Variants in TFAP2A observed in about 807,000 individuals in gnomAD.
The protein encoded by TFAP2A is transcription factor AP-2-alpha.
In TFAP2A, 7 loss-of-function variants were observed where a neutral mutation model predicts 41.5. That is an observed-to-expected ratio of 0.17 (90% confidence interval 0.10 to 0.32). The LOEUF (loss-of-function observed/expected upper bound fraction) is 0.32, where lower values mean the gene tolerates loss of function less well. Among genes scored for constraint, TFAP2A ranks in the 10% least tolerant of loss-of-function variants. The probability of loss-of-function intolerance (pLI) is 1.00; values close to 1 mark genes in which losing one functional copy is unlikely to be tolerated. For synonymous variants in TFAP2A, 247 were observed against 242.8 expected, an observed-to-expected ratio of 1.02 and a Z score of -0.16; for missense variants, 416 against 563.3, an observed-to-expected ratio of 0.74 and a Z score of 2.65.
intron 3 of TFAP2A, chr6:10,406,575 A>T (rs369608857): frequency 1.7e-6 from 1 of 585,546 alleles, no homozygotes; most frequent in African/African-American, 1.9e-5. Context: ...AAACTAAATT[A>T]AATGGTCAAA....
Position 10,398,804 on chromosome 6 carries a change from G to T in TFAP2A, c.1032-99C>A. On this transcript the variant is annotated intron_variant, in intron 6 of 6. Coordinates refer to ENST00000379613, the MANE Select transcript of TFAP2A (RefSeq NM_001372066.1). This position sits in a 1 kb window ranked among gnomAD's most constrained non-coding sequence, Gnocchi z 5.3. ...TCCCTCCCTGCAGCTACCTCTGCCG[G>T]GATCCAGCCGGTACCTGACATGACC... 7.1e-7 allele frequency: 1 copy of T among 1,414,162 alleles called. No homozygotes were observed. Among genetic ancestry groups the T allele is most frequent in the Admixed American group, 2.0e-5 (1 of 51,124 alleles). The allele number at this position is 1,414,162 out of a possible 1,614,324, so 87.6% of individuals were successfully genotyped here.
chr6:10,402,568 C>G lies in TFAP2A; in HGVS notation c.813G>C (p.Leu271=). The G allele has an allele frequency of 6.2e-7, 1 of 1,614,116 alleles. No individual in the cohort carries two copies. Among genetic ancestry groups the G allele is most frequent in the East Asian group, 2.2e-5 (1 of 44,884 alleles). The change falls in exon 5 of 7, where the codon CTG becomes CTC. Residue 271 remains leucine (L), a synonymous_variant. Coordinates refer to ENST00000379613, the MANE Select transcript of TFAP2A (RefSeq NM_001372066.1). ...CAGGCAGATTTAATCCTATTTTGTC[C>G]AGTTTTTCTCTTAAAGATCTTCCTC... ...KNGGRSLREK[L]DKIGLNLPAG... is the part of the protein sequence containing the mutation.
chr6:10,401,463 A>G (rs886211699), intron 5 of TFAP2A, among the ~76,000 whole-genome samples: 3 of 152,234 alleles, frequency 2.0e-5, no homozygotes, highest in African/African-American at 4.8e-5. Flanking sequence ...TTATATTACT[A>G]TCAATCTCTG....
intron 1 of TFAP2A, among the ~76,000 whole-genome samples, chr6:10,410,612 C>T (rs1757920899): frequency 6.6e-6 from 1 of 152,128 alleles, no homozygotes; most frequent in Non-Finnish European, 1.5e-5. Flanking sequence ...TGGAACACAG[C>T]CCATTAAACT....
intron 2 of TFAP2A, chr6:10,407,944 G>T (rs990051257): frequency 8.1e-4 from 123 of 152,194 alleles, no homozygotes; most frequent in African/African-American, 2.8e-3. Flanking sequence ...GACTACTGCT[G>T]CAGTTCTTGT....
At chr6:10,414,617 G>T in intron 1 of TFAP2A, 1 of 527,010 alleles carries the variant, frequency 1.9e-6, no homozygotes, top group Non-Finnish European at 3.4e-6. Flanking sequence ...GGAGTGCACA[G>T]GCAAGTGCCC....
Position 10,398,295 on chromosome 6 carries a change from C to CGGCAGCAGCAGCAGCAGT in TFAP2A, c.*104_*121dup. ...CCAAGGGCAGCGGCGGCGGCGGCGGCGGCAGCAGCAGCAGCAGTAGCAGCA... is the reference window on the plus strand; with the variant it reads ...CCAAGGGCAGCGGCGGCGGCGGCGGCGGCAGCAGCAGCAGCAGTGGCAGCAGCAGCAGCAGTAGCAGCA... On this transcript the variant is annotated 3_prime_UTR_variant, in exon 7 of 7. Coordinates refer to ENST00000379613, the MANE Select transcript of TFAP2A (RefSeq NM_001372066.1). The surrounding 1 kb of genome is among the most constrained non-coding windows in gnomAD (Gnocchi z 5.3). The CGGCAGCAGCAGCAGCAGT allele has an allele frequency of 6.3e-7, 1 of 1,585,590 alleles. No individual in the cohort carries two copies. The highest frequency in any genetic ancestry group is 1.1e-5 in the South Asian group (1 of 88,632).
Position 10,396,896 on chromosome 6 carries a change from G to C in TFAP2A, c.*1521C>G, listed in dbSNP as rs896920283. On this transcript the variant is annotated 3_prime_UTR_variant, in exon 7 of 7. Coordinates refer to ENST00000379613, the MANE Select transcript of TFAP2A (RefSeq NM_001372066.1). The stretch of plus-strand genomic sequence containing the variant: ...GAAAGTAAGTTTTTATTATACTTGA[G>C]GGAAACAATGGGTTCAGCTGCTTAT... 6.6e-6 allele frequency: 1 copy of C among 152,534 alleles called. No individual in the cohort carries two copies. The highest frequency in any genetic ancestry group is 1.5e-5 in the Non-Finnish European group (1 of 68,032). The allele number at this position is 152,534 out of a possible 1,614,324, so 9.4% of individuals were successfully genotyped here.
At position 10,396,677 on chromosome 6, in the gene TFAP2A, T is replaced by C. The variant is rs1234343067; in HGVS notation, c.*1740A>G. On this transcript the variant is annotated 3_prime_UTR_variant, in exon 7 of 7. Transcript: ENST00000379613. Reference sequence around the variant, plus strand: ...AAAACACAAATGAAAACCTAAAGGATCAACATAAATAAAATAAAACTTTAT... The same window carrying C: ...AAAACACAAATGAAAACCTAAAGGACCAACATAAATAAAATAAAACTTTAT... 1 of 152,120 alleles carries C rather than the reference T, an allele frequency of 6.6e-6. No individual in the cohort carries two copies. The highest frequency in any genetic ancestry group is 1.5e-5 in the Non-Finnish European group (1 of 68,020). 9.4% of individuals were successfully genotyped at this position (152,120 alleles called of 1,614,324 possible). A position where few individuals can be genotyped will look rare whatever the true frequency, so the allele number is the denominator to read the frequency against.
In TFAP2A at chr6:10,398,564, G is replaced by C. The variant is rs2113997918; in HGVS notation, c.1173C>G (p.Pro391=). ...GGGCCGTGACCGCGGCACACACCGCGGGGCTGCCGAAGCCGTGGGAGATGA... is the reference window on the plus strand; with the variant it reads ...GGGCCGTGACCGCGGCACACACCGCCGGGCTGCCGAAGCCGTGGGAGATGA... ...FNLISHGFGS[P]AVCAAVTALQ... The change falls in exon 7 of 7, where the codon CCC becomes CCG. Residue 391 remains proline (P), a synonymous_variant. Transcript: ENST00000379613. The surrounding 1 kb of genome is among the most constrained non-coding windows in gnomAD (Gnocchi z 5.3). 6.2e-7 allele frequency: 1 copy of C among 1,614,240 alleles called. No homozygotes were observed.
At chr6:10,411,437 G>A (rs1222628739) in intron 1 of TFAP2A, 6 of 1,461,912 alleles carry the variant, frequency 4.1e-6, no homozygotes, top group South Asian at 3.5e-5. Flanking sequence ...AGGTGGGGTG[G>A]GGGATGCAAA....
chr6:10,404,777 T>C (rs370522296), intron 3 of TFAP2A, 38 bp from the exon 4 acceptor site: 10 of 1,586,856 alleles, frequency 6.3e-6, no homozygotes, highest in Non-Finnish European at 8.6e-7. Context: ...TTGGGCGTCG[T>C]GGATCACCCC....
chr6:10,404,422 G>A (rs1757587244), intron 4 of TFAP2A, 86 bp downstream of exon 4: 3 of 1,032,736 alleles, frequency 2.9e-6, no homozygotes, highest in African/African-American at 3.4e-5. Context: ...CGCGAGGCCT[G>A]TTTGCGTCGC....
chr6:10,412,170 G>A (rs910815963), intron 1 of TFAP2A: 3 of 988,438 alleles, frequency 3.0e-6, no homozygotes, highest in African/African-American at 1.7e-5. Context: ...GCAAATCGGA[G>A]TGGGGAGAGG....
intron 2 of TFAP2A, chr6:10,407,151 C>CA: frequency 2.4e-6 from 1 of 412,120 alleles, no homozygotes. Context: ...TAATCATTCT[C>CA]AGTCAGTTCA....
At chr6:10,414,455 G>A (rs1483554373) in intron 1 of TFAP2A, 2 of 269,270 alleles carry the variant, frequency 7.4e-6, no homozygotes, top group African/African-American at 2.3e-5. Flanking sequence ...GTGGGGGTGG[G>A]GGGAAGAAAG....
chr6:10,397,709 A>T lies in TFAP2A; in HGVS notation c.*708T>A. On this transcript the variant is annotated 3_prime_UTR_variant, in exon 7 of 7. Coordinates refer to ENST00000379613, the MANE Select transcript of TFAP2A (RefSeq NM_001372066.1). ...ACTCACCATATTTACAATTCCCATT[A>T]AATTACACATAAATAAATATATACA... 1 of 300,764 alleles carries T rather than the reference A, an allele frequency of 3.3e-6. No homozygotes were observed. Among genetic ancestry groups the T allele is most frequent in the Non-Finnish European group, 4.9e-6 (1 of 203,950 alleles). The allele number at this position is 300,764 out of a possible 1,614,324, so 18.6% of individuals were successfully genotyped here.
chr6:10,404,375 C>T, intron 4 of TFAP2A, 133 bp downstream of exon 4: 1 of 578,682 alleles, frequency 1.7e-6, no homozygotes, highest in Non-Finnish European at 2.6e-6. Context: ...GCTCTTCTCC[C>T]CGCCCCCTTT....
chr6:10,399,723 G>C (rs1305814875), intron 6 of TFAP2A, among the ~76,000 whole-genome samples: 1 of 152,200 alleles, frequency 6.6e-6, no homozygotes, highest in Non-Finnish European at 1.5e-5. Context: ...TGATAATTAA[G>C]GGCTTCCAAA....
Sources: allele counts gnomAD v4.1 joint callset (sites outside exome capture counted in the v4.1 genomes callset), GRCh38; gene constraint gnomAD v4.1.1; non-coding constraint Gnocchi (gnomAD v3.1); transcripts MANE v1.5; gene names NCBI Gene and HGNC (gene_info 2026-07-23, HGNC 2026-07-21).